The following KAZN variants were observed in gnomAD, a reference collection of about 807,000 sequenced individuals.
The protein encoded by KAZN is kazrin.
In KAZN, 40 loss-of-function variants were observed where a neutral mutation model predicts 87.4. That is an observed-to-expected ratio of 0.46 (90% CI 0.36 to 0.60). KAZN has a LOEUF of 0.60. KAZN is among the 20% of genes least tolerant of loss of function. The probability of loss-of-function intolerance (pLI) is 0.00; values close to 1 mark genes in which losing one functional copy is unlikely to be tolerated. For missense variants in KAZN, 898 were observed against 1,073.9 expected (o/e 0.84, Z 2.29); for synonymous variants, 466 against 458.3 (o/e 1.02, Z -0.22).
At position 14,927,992 on chromosome 1, in the gene KAZN, G is replaced by A. The variant is rs544525279; in HGVS notation, c.227-32692G>A. Among the ~76,000 whole-genome samples, 33 of 151,396 alleles carry A rather than the reference G, an allele frequency of 2.2e-4. 1 individual carries two copies. The South Asian group carries it at 6.9e-3, about 31-fold the overall frequency. ...CATGGGTCCTCCCAGCAACCCAATG[G>A]GGAAGTGCAGTTGCTAATCCCATCC... On this transcript the variant is annotated intron_variant, in intron 1 of 14. Coordinates refer to ENST00000376030, the MANE Select transcript of KAZN (RefSeq NM_201628.3).
At chr1:14,656,553 A>G (rs1247352138) in intron 1 of KAZN, among the ~76,000 whole-genome samples, 21 of 152,188 alleles carry the variant, frequency 1.4e-4, no homozygotes. Flanking sequence ...GGTCATTTCT[A>G]AAGAAAAGAG....
chr1:13,985,046 T>A (rs1638944264), intron 1 of KAZN, among the ~76,000 whole-genome samples: 1 of 152,162 alleles, frequency 6.6e-6, no homozygotes, highest in Non-Finnish European at 1.5e-5. Flanking sequence ...TGTATAAAAT[T>A]GGCTTGCTGT....
rs368968392 is a variant in KAZN, at chr1:13,954,241, C to A, written c.91+60485C>A. ...AACAAAAATAAAACCAACCAACCAA[C>A]CAAACAAACAAACAAAAAAACCAAC... On this transcript the variant is annotated intron_variant, in intron 1 of 16. Transcript: ENST00000636203. 3.8e-4 allele frequency among the ~76,000 whole-genome samples: 58 copies of A among 152,282 alleles called. 3 individuals are homozygous for A. Among genetic ancestry groups the A allele is most frequent in the Admixed American group, 1.3e-3 (20 of 15,288 alleles).
intron 1 of KAZN, among the ~76,000 whole-genome samples, chr1:14,811,230 A>T (rs1303353705): frequency 6.7e-6 from 1 of 150,058 alleles, no homozygotes; most frequent in Non-Finnish European, 1.5e-5. Flanking sequence ...TTAGCACGTC[A>T]GCTTTCTCTT....
intron 2 of KAZN, among the ~76,000 whole-genome samples, chr1:14,440,751 G>A (rs1027716210): frequency 3.3e-5 from 5 of 152,174 alleles, no homozygotes; most frequent in Non-Finnish European, 5.9e-5. Context: ...AGGGGATGCC[G>A]TGCATAGGTC....
chr1:14,612,646 C>T (rs531457268), intron 1 of KAZN, among the ~76,000 whole-genome samples: 1 of 152,238 alleles, frequency 6.6e-6, no homozygotes, highest in East Asian at 1.9e-4. Flanking sequence ...TCCTTGACCT[C>T]AGCACTGTAG....
At chr1:14,864,658 C>G (rs1288951615) in intron 1 of KAZN, among the ~76,000 whole-genome samples, 1 of 152,166 alleles carries the variant, frequency 6.6e-6, no homozygotes, top group Non-Finnish European at 1.5e-5. Flanking sequence ...GTGGCAAAAG[C>G]CTGGCAGCTG....
At chr1:14,492,822 C>T (rs1278683513) in intron 2 of KAZN, among the ~76,000 whole-genome samples, 2 of 147,722 alleles carry the variant, frequency 1.4e-5, no homozygotes, top group Non-Finnish European at 3.0e-5. Flanking sequence ...ACATATACCG[C>T]CCATATATCA....
rs78234297 is a variant in KAZN, at chr1:14,041,933, C to T, written c.92-138502C>T. Among the ~76,000 whole-genome samples the T allele has an allele frequency of 8.9e-3, 1,361 of 152,204 alleles. 30 individuals are homozygous for T. The highest frequency in any genetic ancestry group is 0.031 in the African/African-American group (1,297 of 41,514). ...TTCTGGTTGTTGAAAAGTCCAGTTC[C>T]GTACTGTTACCTGATCCTTTGTGAC... On this transcript the variant is annotated intron_variant, in intron 1 of 16. Transcript: ENST00000636203.
At chr1:14,441,704 A>T (rs1398665767) in intron 2 of KAZN, among the ~76,000 whole-genome samples, 1 of 152,238 alleles carries the variant, frequency 6.6e-6, no homozygotes, top group African/African-American at 2.4e-5. Flanking sequence ...AAGCTGGCTC[A>T]TGATGGGGGC....
At chr1:14,902,071 G>A (rs1415441450) in intron 1 of KAZN, among the ~76,000 whole-genome samples, 1 of 152,152 alleles carries the variant, frequency 6.6e-6, no homozygotes, top group Non-Finnish European at 1.5e-5. Context: ...CACCTAGCGA[G>A]GTGGGAGGCC....
At chr1:14,912,774 A>T (rs904100488) in intron 1 of KAZN, among the ~76,000 whole-genome samples, 4 of 152,160 alleles carry the variant, frequency 2.6e-5, no homozygotes, top group Non-Finnish European at 4.4e-5. Context: ...GTTTAAAAAA[A>T]TTTTTTTACT....
At chr1:14,676,423 A>ACAT (rs1553208009) in intron 1 of KAZN, among the ~76,000 whole-genome samples, 5 of 151,630 alleles carry the variant, frequency 3.3e-5, no homozygotes, top group African/African-American at 2.4e-5. Flanking sequence ...AGGCCACTTC[A>ACAT]CGTCCCTGAG....
chr1:14,696,052 T>C (rs1641586790), intron 1 of KAZN, among the ~76,000 whole-genome samples: 1 of 152,218 alleles, frequency 6.6e-6, no homozygotes, highest in Non-Finnish European at 1.5e-5. Flanking sequence ...ATGCAGAGTA[T>C]TTTTAAATTG....
At chr1:14,874,504 GGATGGATGGATGGATGGACA>G (rs1652533563) in intron 1 of KAZN, among the ~76,000 whole-genome samples, 1 of 151,860 alleles carries the variant, frequency 6.6e-6, no homozygotes, top group Non-Finnish European at 1.5e-5. Context: ...ATGGATGGAT[GGATGGATGGATGGATGGACA>G]GATGGATGGA....
intron 2 of KAZN, among the ~76,000 whole-genome samples, chr1:14,234,676 G>T (rs10803475): frequency 0.34 from 51,046 of 152,080 alleles, 8,862 homozygotes; most frequent in East Asian, 0.57. Flanking sequence ...AGTGGGTGGA[G>T]CATGGGTAGC....
intron 1 of KAZN, among the ~76,000 whole-genome samples, chr1:14,096,706 G>T (rs1644136640): frequency 6.6e-6 from 1 of 152,218 alleles, no homozygotes. Context: ...CTTCAAGAAG[G>T]AGGCAGGATT....
At chr1:14,086,333 C>T (rs1643853075) in intron 1 of KAZN, among the ~76,000 whole-genome samples, 2 of 152,194 alleles carry the variant, frequency 1.3e-5, no homozygotes, top group South Asian at 4.2e-4. Flanking sequence ...AGCTATTTTT[C>T]CTGATGCTCC....
chr1:14,034,847 A>G (rs1641479784), intron 1 of KAZN, among the ~76,000 whole-genome samples: 1 of 152,040 alleles, frequency 6.6e-6, no homozygotes, highest in African/African-American at 2.4e-5. Context: ...CCCTTTCTTC[A>G]CTCGGTAAAG....
Sources: allele counts gnomAD v4.1 joint callset (sites outside exome capture counted in the v4.1 genomes callset), GRCh38; gene constraint gnomAD v4.1.1; transcripts MANE v1.5; gene names NCBI Gene and HGNC (gene_info 2026-07-23, HGNC 2026-07-21).